The following NIPBL variants were observed in gnomAD, a reference collection of about 807,000 sequenced individuals.
NIPBL encodes the protein nipped-B-like protein.
A neutral mutation model predicts 321.8 loss-of-function variants in NIPBL; 19 were observed. The ratio of observed to expected loss-of-function variants is 0.06; its 90% CI spans 0.04 to 0.09. NIPBL has a LOEUF of 0.09. NIPBL is among the 10% of genes least tolerant of loss of function. NIPBL has a pLI of 1.00. For missense variants in NIPBL, 2,210 were observed against 3,327.0 expected (o/e 0.66, Z 8.26); for synonymous variants, 1,106 against 1,114.1 (o/e 0.99, Z 0.14).
intron 10 of NIPBL, among the ~76,000 whole-genome samples, chr5:36,988,969 A>T (rs1452733610): frequency 6.6e-6 from 1 of 152,062 alleles, no homozygotes. Flanking sequence ...ATTTGATTTG[A>T]TTTCTGTGGC....
At chr5:37,028,945 T>C (rs954120584) in intron 32 of NIPBL, among the ~76,000 whole-genome samples, 2 of 152,246 alleles carry the variant, frequency 1.3e-5, no homozygotes, top group Non-Finnish European at 2.9e-5. Flanking sequence ...ATTCTGGATT[T>C]AATAGTCCAC....
chr5:36,931,767 T>C (rs1181877540), intron 1 of NIPBL, among the ~76,000 whole-genome samples: 1 of 147,402 alleles, frequency 6.8e-6, no homozygotes, highest in Admixed American at 6.9e-5. Flanking sequence ...AATTTTTGAA[T>C]TCATTCGTAT....
intron 41 of NIPBL, 109 bp downstream of exon 41, chr5:37,051,995 T>C (rs1453998289): frequency 1.2e-6 from 1 of 821,790 alleles, no homozygotes; most frequent in Non-Finnish European, 2.1e-6. Flanking sequence ...ATGTCTTACT[T>C]AGTACCTATC....
intron 34 of NIPBL, among the ~76,000 whole-genome samples, chr5:37,039,001 G>T (rs983334715): frequency 3.9e-5 from 6 of 152,120 alleles, no homozygotes; most frequent in African/African-American, 1.4e-4. Flanking sequence ...ATCTCAAAAT[G>T]AATGAAGCAG....
At chr5:36,904,940 A>C (rs1747514521) in intron 1 of NIPBL, among the ~76,000 whole-genome samples, 1 of 152,188 alleles carries the variant, frequency 6.6e-6, no homozygotes, top group Non-Finnish European at 1.5e-5. Context: ...ACACAATAGG[A>C]GGGAATTACA....
At position 37,061,043 on chromosome 5, in the gene NIPBL, T is replaced by A. The variant is rs759525404; in HGVS notation, c.7860+25T>A. The A allele has an allele frequency of 3.1e-6, 5 of 1,601,418 alleles. No individual in the cohort carries two copies. The South Asian group carries it at 5.5e-5, about 18-fold the overall frequency. ...TGTGAGTAGTAAAACCAAAAGTTTTTACTTCTCATAAGGGCTTTTTTGACA... is the reference window on the plus strand; with the variant it reads ...TGTGAGTAGTAAAACCAAAAGTTTTAACTTCTCATAAGGGCTTTTTTGACA... On this transcript the variant is annotated intron_variant, in intron 45 of 46. Transcript: ENST00000282516.
intron 1 of NIPBL, among the ~76,000 whole-genome samples, chr5:36,945,798 T>C (rs1217930687): frequency 2.6e-5 from 4 of 152,154 alleles, no homozygotes; most frequent in Non-Finnish European, 5.9e-5. Context: ...TTCAGAAGTA[T>C]CTTAAATAGC....
rs923061665 is a variant in NIPBL, at chr5:37,058,606, C to G, written c.7411-285C>G. On this transcript the variant is annotated intron_variant, in intron 43 of 46. Transcript: ENST00000282516. ...ATGCACCAAATTGATACTTTTATAA[C>G]TATCTTTTATTACTGTCCTTAGAAG... 3.3e-5 allele frequency among the ~76,000 whole-genome samples: 5 copies of G among 152,106 alleles called. No homozygotes were observed. In the East Asian group the frequency reaches 9.6e-4, roughly 29 times the overall value.
chr5:36,880,471 TGTGAA>T (rs1423681488), intron 1 of NIPBL, among the ~76,000 whole-genome samples: 1 of 152,074 alleles, frequency 6.6e-6, no homozygotes, highest in African/African-American at 2.4e-5. Context: ...TTCAGTTTTA[TGTGAA>T]GTGATTAGGG....
intron 15 of NIPBL, 76 bp from the exon 16 acceptor site, chr5:37,003,185 T>C (rs1170812000): frequency 3.3e-6 from 3 of 907,924 alleles, no homozygotes; most frequent in Non-Finnish European, 1.8e-6. Context: ...TCAAAGGGAA[T>C]AATTGTACAG....
intron 1 of NIPBL, among the ~76,000 whole-genome samples, chr5:36,888,891 T>C (rs977330677): frequency 6.6e-6 from 1 of 152,140 alleles, no homozygotes; most frequent in Non-Finnish European, 1.5e-5. Context: ...ATCTAGAGTT[T>C]ATAACTAAAG....
At chr5:37,009,706 C>T (rs943121478) in intron 20 of NIPBL, among the ~76,000 whole-genome samples, 1 of 152,082 alleles carries the variant, frequency 6.6e-6, no homozygotes, top group African/African-American at 2.4e-5. Context: ...GATTTTAATA[C>T]CAAATGAATA....
At chr5:36,911,158 G>A (rs1255258137) in intron 1 of NIPBL, among the ~76,000 whole-genome samples, 1 of 152,170 alleles carries the variant, frequency 6.6e-6, no homozygotes, top group Non-Finnish European at 1.5e-5. Context: ...TTCTCATATG[G>A]AGGATGTAGT....
chr5:36,940,561 T>A (rs992295370), intron 1 of NIPBL, among the ~76,000 whole-genome samples: 2 of 152,172 alleles, frequency 1.3e-5, no homozygotes, highest in African/African-American at 4.8e-5. Context: ...AACTCTTACT[T>A]ATGAGATTTC....
intron 32 of NIPBL, among the ~76,000 whole-genome samples, chr5:37,034,959 TGA>T (rs1751517618): frequency 6.6e-6 from 1 of 152,148 alleles, no homozygotes; most frequent in South Asian, 2.1e-4. Context: ...AAACCAAGGA[TGA>T]GAGAGGATAG....
chr5:36,885,971 G>A, intron 1 of NIPBL: 3 of 729,574 alleles, frequency 4.1e-6, no homozygotes, highest in Middle Eastern at 3.8e-4. Context: ...GGCCCAATAC[G>A]ACGAGCTAGC....
At chr5:36,938,393 A>T (rs1305171651) in intron 1 of NIPBL, among the ~76,000 whole-genome samples, 1 of 152,150 alleles carries the variant, frequency 6.6e-6, no homozygotes, top group Non-Finnish European at 1.5e-5. Flanking sequence ...AAAGACGAGG[A>T]AAGAGTGTGA....
intron 27 of NIPBL, among the ~76,000 whole-genome samples, chr5:37,021,303 CA>C (rs1172343940): frequency 6.7e-6 from 1 of 149,416 alleles, no homozygotes; most frequent in African/African-American, 2.5e-5. Flanking sequence ...CCATCTCAAA[CA>C]AAAAAAGAAA....
intron 1 of NIPBL, among the ~76,000 whole-genome samples, chr5:36,944,315 A>AT: frequency 6.6e-6 from 1 of 152,054 alleles, no homozygotes; most frequent in Non-Finnish European, 1.5e-5. Context: ...GTGATCCATG[A>AT]TTTTTTGCAT....
Sources: allele counts gnomAD v4.1 joint callset (sites outside exome capture counted in the v4.1 genomes callset), GRCh38; gene constraint gnomAD v4.1.1; transcripts MANE v1.5; gene names NCBI Gene and HGNC (gene_info 2026-07-23, HGNC 2026-07-21).